The following HS1BP3 variants were observed in gnomAD, a reference collection of about 807,000 sequenced individuals.
The protein encoded by HS1BP3 is HCLS1-binding protein 3.
In HS1BP3, 32 loss-of-function variants were observed where a neutral mutation model predicts 33.5. The ratio of observed to expected loss-of-function variants is 0.95; its 90% CI spans 0.72 to 1.28. The LOEUF is 1.28. Ranked by LOEUF, HS1BP3 falls within the 50% of genes most tolerant of loss-of-function variation. HS1BP3 has a pLI of 0.00. For missense variants in HS1BP3, 486 were observed against 502.3 expected, an observed-to-expected ratio of 0.97 and a Z score of 0.31; for synonymous variants, 187 against 209.2, an observed-to-expected ratio of 0.89 and a Z score of 0.92.
chr2:20,644,062 C>T (rs1695443687), intron 2 of HS1BP3, among the ~76,000 whole-genome samples: 1 of 152,184 alleles, frequency 6.6e-6, no homozygotes, highest in Admixed American at 6.5e-5. Flanking sequence ...AAGCTAGCCC[C>T]GTGTCACTCC....
chr2:20,604,922 C>A (rs747047793), intron 2 of HS1BP3, among the ~76,000 whole-genome samples: 3 of 152,210 alleles, frequency 2.0e-5, no homozygotes, highest in Non-Finnish European at 2.9e-5. Context: ...ACACCAGATT[C>A]TCTGCAGCCC....
intron 4 of HS1BP3, among the ~76,000 whole-genome samples, chr2:20,628,600 A>G (rs1694866488): frequency 6.6e-6 from 1 of 150,640 alleles, no homozygotes; most frequent in Non-Finnish European, 1.5e-5. Flanking sequence ...ACACCACTGC[A>G]CTCCAGCCTG....
At chr2:20,631,927 T>C (rs936404217) in intron 4 of HS1BP3, among the ~76,000 whole-genome samples, 1 of 152,224 alleles carries the variant, frequency 6.6e-6, no homozygotes, top group Non-Finnish European at 1.5e-5. Context: ...CAGTCTGCAG[T>C]AACCTGCCCA....
At chr2:20,613,778 AAC>A (rs1694361314), downstream of HS1BP3, among the ~76,000 whole-genome samples, 1 of 152,208 alleles carries the variant, frequency 6.6e-6, no homozygotes, top group Non-Finnish European at 1.5e-5. Context: ...GCACTGCTGA[AAC>A]ACACAGAGTA....
At chr2:20,599,651 C>T (rs867861258) in intron 2 of HS1BP3, among the ~76,000 whole-genome samples, 3 of 142,814 alleles carry the variant, frequency 2.1e-5, no homozygotes, top group African/African-American at 8.5e-5. Flanking sequence ...CACACACACT[C>T]TGTTTTTTTT....
Position 20,651,013 on chromosome 2 carries a change from G to A in HS1BP3, c.32+19C>T. ...CGGACTGCGAGCTGTGCGGTGTGGG[G>A]CGCGGGGGTCTGGCTCACCTGGAGG... is the stretch of plus-strand genomic sequence containing the variant. On this transcript the variant is annotated intron_variant, in intron 1 of 6. Transcript: ENST00000304031. 8.1e-7 allele frequency: 1 copy of A among 1,237,872 alleles called. No individual in the cohort carries two copies. The highest frequency in any genetic ancestry group is 3.1e-5 in the East Asian group (1 of 32,218). The allele number at this position is 1,237,872 out of a possible 1,614,324, so 76.7% of individuals were successfully genotyped here. A position where few individuals can be genotyped will look rare whatever the true frequency, so the allele number is the denominator to read the frequency against.
chr2:20,576,923 C>G (rs1319362349), intron 5 of HS1BP3, among the ~76,000 whole-genome samples: 1 of 152,178 alleles, frequency 6.6e-6, no homozygotes, highest in Non-Finnish European at 1.5e-5. Flanking sequence ...TGGTCAGTGG[C>G]AAACAAATGA....
At chr2:20,577,673 G>C (rs903688375) in intron 5 of HS1BP3, among the ~76,000 whole-genome samples, 4 of 152,180 alleles carry the variant, frequency 2.6e-5, no homozygotes, top group African/African-American at 9.7e-5. Context: ...AGAGGGTCCA[G>C]AGATGGAGGC....
rs148507707 is a variant in HS1BP3, at chr2:20,579,497, T to C, written c.303-18982A>G. Among the ~76,000 whole-genome samples, 379 of 152,358 alleles carry C rather than the reference T, an allele frequency of 2.5e-3. 4 individuals are homozygous for C. Among genetic ancestry groups the C allele is most frequent in the African/African-American group, 8.7e-3 (362 of 41,588 alleles). On this transcript the variant is annotated intron_variant, in intron 5 of 5. Transcript: ENST00000446825. ...GCATGACTCATCAGTTGGCCATGCA[T>C]TGGAGACTTCCGGCCCTCAGAGAAA...
At chr2:20,602,279 A>G (rs984574229) in intron 2 of HS1BP3, among the ~76,000 whole-genome samples, 2 of 151,928 alleles carry the variant, frequency 1.3e-5, no homozygotes, top group East Asian at 1.9e-4. Flanking sequence ...CTACAGATAC[A>G]CTTTTATGTC....
intron 4 of HS1BP3, chr2:20,635,547 G>T (rs1392600225): frequency 2.0e-5 from 3 of 152,204 alleles, no homozygotes; most frequent in South Asian, 2.1e-4. Context: ...AATGAAAAAG[G>T]TTTCCCGCAG....
intron 5 of HS1BP3, 63 bp from the exon 6 acceptor site, chr2:20,624,094 C>G (rs914655105): frequency 2.6e-6 from 4 of 1,567,986 alleles, no homozygotes; most frequent in Admixed American, 1.9e-5. Context: ...CATGGCTGCT[C>G]TCTCTCTGCC....
downstream of HS1BP3, among the ~76,000 whole-genome samples, chr2:20,613,880 G>C (rs1694364074): frequency 6.6e-6 from 1 of 152,230 alleles, no homozygotes; most frequent in African/African-American, 2.4e-5. Flanking sequence ...GGTGGTAACT[G>C]TACTGGGTCG....
chr2:20,641,848 A>G (rs59056928), intron 2 of HS1BP3, among the ~76,000 whole-genome samples: 2,250 of 152,284 alleles, frequency 0.015, 38 homozygotes, highest in African/African-American at 0.044. Context: ...CTCTCCCCAC[A>G]GCTCCTGGGC....
chr2:20,583,526 C>G (rs1336490234), intron 5 of HS1BP3, among the ~76,000 whole-genome samples: 3 of 152,208 alleles, frequency 2.0e-5, no homozygotes, highest in Non-Finnish European at 4.4e-5. Context: ...CCCACCAATT[C>G]TCAGCACCTC....
chr2:20,557,983 AGGCTGCT>A (rs921013109), downstream of HS1BP3, among the ~76,000 whole-genome samples: 4 of 152,248 alleles, frequency 2.6e-5, no homozygotes, highest in Admixed American at 6.5e-5. Context: ...AGAGGGCACC[AGGCTGCT>A]GGCTGCCCCT....
chr2:20,587,484 G>A (rs1018814225), intron 5 of HS1BP3, among the ~76,000 whole-genome samples: 2 of 152,154 alleles, frequency 1.3e-5, no homozygotes, highest in Non-Finnish European at 2.9e-5. Context: ...GGTGAGGCTG[G>A]GAACCTGGGA....
intron 6 of HS1BP3, among the ~76,000 whole-genome samples, chr2:20,620,153 C>A (rs944164310): frequency 6.6e-6 from 1 of 152,282 alleles, no homozygotes; most frequent in Non-Finnish European, 1.5e-5. Flanking sequence ...ACCCACTCAG[C>A]TCTGTGCTGA....
chr2:20,649,930 A>G (rs1245162109), intron 1 of HS1BP3, among the ~76,000 whole-genome samples: 1 of 152,198 alleles, frequency 6.6e-6, no homozygotes, highest in Non-Finnish European at 1.5e-5. Context: ...CCATCTGCAC[A>G]TGGCTGAGGG....
Sources: gnomAD v4.1 joint callset for allele counts (sites outside exome capture counted in the v4.1 genomes callset) on GRCh38, gnomAD v4.1.1 for gene constraint, MANE v1.5 for transcripts, NCBI Gene and HGNC (gene_info 2026-07-23, HGNC 2026-07-21) for gene names.